The following SETBP1 variants were observed in gnomAD, a reference collection of about 807,000 sequenced individuals.
SETBP1 encodes the protein SET-binding protein.
In SETBP1, 9 loss-of-function variants were observed where a neutral mutation model predicts 101.0. The ratio of observed to expected loss-of-function variants is 0.09; its 90% CI spans 0.05 to 0.16. The LOEUF (loss-of-function observed/expected upper bound fraction) is 0.16, where lower values mean the gene tolerates loss of function less well. Ranked by LOEUF, SETBP1 falls within the 10% of genes least tolerant of loss-of-function variation. SETBP1 has a pLI of 1.00. For synonymous variants in SETBP1, 818 were observed against 788.5 expected (o/e 1.04, Z -0.63); for missense variants, 1,858 against 2,033.8 (o/e 0.91, Z 1.66).
intron 4 of SETBP1, among the ~76,000 whole-genome samples, chr18:45,024,632 C>G (rs1354334431): frequency 6.6e-6 from 1 of 152,226 alleles, no homozygotes; most frequent in Non-Finnish European, 1.5e-5. Context: ...ACTCGTCAGT[C>G]TTGCTACAAT....
chr18:44,812,025 C>T (rs1351568201), intron 2 of SETBP1, among the ~76,000 whole-genome samples: 2 of 152,200 alleles, frequency 1.3e-5, no homozygotes, highest in African/African-American at 4.8e-5. Flanking sequence ...ACTGGGTGGC[C>T]TGAGCAGCTG....
At chr18:44,980,250 T>C (rs1211318651) in intron 4 of SETBP1, among the ~76,000 whole-genome samples, 1 of 152,194 alleles carries the variant, frequency 6.6e-6, no homozygotes, top group Non-Finnish European at 1.5e-5. Flanking sequence ...ATTGCTGAAA[T>C]AAGACTAGAA....
At chr18:44,720,062 TGCACTG>T (rs2069552817) in intron 2 of SETBP1, among the ~76,000 whole-genome samples, 1 of 152,018 alleles carries the variant, frequency 6.6e-6, no homozygotes, top group Non-Finnish European at 1.5e-5. Context: ...TTAGAGAGAG[TGCACTG>T]TTGTGTGCTC....
chr18:44,916,701 T>G (rs1295496991), intron 3 of SETBP1, among the ~76,000 whole-genome samples: 1 of 152,236 alleles, frequency 6.6e-6, no homozygotes, highest in Non-Finnish European at 1.5e-5. Flanking sequence ...TGAGATTGAA[T>G]GAGTCCTAAA....
intron 2 of SETBP1, among the ~76,000 whole-genome samples, chr18:44,801,774 T>TG (rs1376336243): frequency 6.6e-6 from 1 of 152,102 alleles, no homozygotes; most frequent in Non-Finnish European, 1.5e-5. Flanking sequence ...AAGACTTTTT[T>TG]TTTTTTTTTG....
At chr18:44,849,451 G>A (rs2072800693) in intron 2 of SETBP1, among the ~76,000 whole-genome samples, 1 of 152,196 alleles carries the variant, frequency 6.6e-6, no homozygotes, top group Admixed American at 6.5e-5. Flanking sequence ...AGGACTCGAT[G>A]TGAATATGCC....
At chr18:44,722,492 T>C in intron 2 of SETBP1, among the ~76,000 whole-genome samples, 1 of 152,178 alleles carries the variant, frequency 6.6e-6, no homozygotes. Flanking sequence ...CAATGGATCC[T>C]TCTATGTCAA....
chr18:44,780,779 CAGAGGG>C (rs950902804), intron 2 of SETBP1, among the ~76,000 whole-genome samples: 6 of 152,140 alleles, frequency 3.9e-5, no homozygotes, highest in Non-Finnish European at 7.4e-5. Flanking sequence ...GAATGTAAGG[CAGAGGG>C]ACCAGCATAC....
intron 3 of SETBP1, among the ~76,000 whole-genome samples, chr18:44,942,638 T>C (rs1482215625): frequency 7.2e-5 from 11 of 152,214 alleles, no homozygotes; most frequent in Admixed American, 7.2e-4. Context: ...CAGCCTGTGT[T>C]GTCTATTGTC....
At chr18:45,058,316 T>C (rs1384059873) in intron 5 of SETBP1, among the ~76,000 whole-genome samples, 1 of 152,164 alleles carries the variant, frequency 6.6e-6, no homozygotes, top group Non-Finnish European at 1.5e-5. Context: ...AGTGAAATCA[T>C]AAGCAATAAG....
chr18:44,698,733 T>A (rs1477466236), intron 1 of SETBP1, among the ~76,000 whole-genome samples: 1 of 152,208 alleles, frequency 6.6e-6, no homozygotes, highest in African/African-American at 2.4e-5. Flanking sequence ...ACATATAAAG[T>A]TCTGTGTTGT....
intron 4 of SETBP1, among the ~76,000 whole-genome samples, chr18:44,967,276 G>A (rs2071740855): frequency 6.6e-6 from 1 of 152,178 alleles, no homozygotes; most frequent in Admixed American, 6.5e-5. Context: ...GTAGAACTTG[G>A]GAATTCTCTG....
At chr18:44,741,805 C>T (rs1010012191) in intron 2 of SETBP1, among the ~76,000 whole-genome samples, 3 of 152,208 alleles carry the variant, frequency 2.0e-5, no homozygotes, top group Non-Finnish European at 2.9e-5. Flanking sequence ...CTCACCCACC[C>T]CTGACGCTTC....
intron 4 of SETBP1, among the ~76,000 whole-genome samples, chr18:44,985,236 T>G (rs539921706): frequency 8.6e-4 from 131 of 152,230 alleles, no homozygotes; most frequent in Non-Finnish European, 1.5e-3. Context: ...GATGCTAAAA[T>G]TGACAAGAAA....
intron 2 of SETBP1, among the ~76,000 whole-genome samples, chr18:44,745,828 C>G (rs1034274693): frequency 1.1e-4 from 16 of 152,182 alleles, no homozygotes; most frequent in African/African-American, 3.6e-4. Context: ...GGGAAGGCTC[C>G]TGGAGGAGGT....
intron 3 of SETBP1, among the ~76,000 whole-genome samples, chr18:44,893,885 G>A (rs144957398): frequency 1.0e-3 from 159 of 152,014 alleles, no homozygotes; most frequent in Non-Finnish European, 1.3e-3. Flanking sequence ...TCTCTCATAC[G>A]GTCAAAACAG....
intron 2 of SETBP1, among the ~76,000 whole-genome samples, chr18:44,789,897 C>T (rs553384593): frequency 2.6e-4 from 39 of 152,306 alleles, no homozygotes; most frequent in African/African-American, 8.9e-4. Flanking sequence ...ATAAGGCCTG[C>T]CCGGGGCTGC....
intron 3 of SETBP1, among the ~76,000 whole-genome samples, chr18:44,883,599 G>A (rs1002830893): frequency 6.6e-6 from 1 of 152,106 alleles, no homozygotes; most frequent in South Asian, 2.1e-4. Context: ...TACATACATG[G>A]AACAATTAGG....
At chr18:44,840,237 T>A (rs1222947853) in intron 2 of SETBP1, among the ~76,000 whole-genome samples, 1 of 152,242 alleles carries the variant, frequency 6.6e-6, no homozygotes, top group African/African-American at 2.4e-5. Flanking sequence ...ATGTGGACCC[T>A]GAGTTGGAGA....
Sources: allele counts gnomAD v4.1 joint callset (sites outside exome capture counted in the v4.1 genomes callset), GRCh38; gene constraint gnomAD v4.1.1; transcripts MANE v1.5; gene names NCBI Gene and HGNC (gene_info 2026-07-23, HGNC 2026-07-21).